Variants in GABBR2 observed in about 807,000 individuals in gnomAD.
The protein encoded by GABBR2 is G-protein coupled receptor 51.
Under a neutral mutation model 105.6 loss-of-function variants are expected in GABBR2, and 23 were observed. The observed-to-expected ratio is 0.22, with a 90% CI of 0.16 to 0.31. The LOEUF (loss-of-function observed/expected upper bound fraction) is 0.31. Ranked by LOEUF, GABBR2 falls within the 10% of genes least tolerant of loss-of-function variation. The pLI is 1.00. For missense variants in GABBR2, 734 were observed against 1,245.5 expected, an observed-to-expected ratio of 0.59 and a Z score of 6.18; for synonymous variants, 478 against 499.7, an observed-to-expected ratio of 0.96 and a Z score of 0.58.
chr9:98,466,765 G>T (rs1826567474), intron 6 of GABBR2, among the ~76,000 whole-genome samples: 2 of 152,180 alleles, frequency 1.3e-5, no homozygotes, highest in African/African-American at 4.8e-5. Context: ...CAGCTGCATT[G>T]TAACAGAAAA....
chr9:98,581,640 A>G (rs1005939949), intron 1 of GABBR2, among the ~76,000 whole-genome samples: 6 of 152,092 alleles, frequency 3.9e-5, no homozygotes, highest in Admixed American at 3.9e-4. Context: ...AGCAGATAAT[A>G]ACAGAGTAGT....
chr9:98,418,571 CA>C (rs1283575177), intron 7 of GABBR2, among the ~76,000 whole-genome samples: 2 of 151,674 alleles, frequency 1.3e-5, no homozygotes. Flanking sequence ...CCCAAAAATC[CA>C]AAAAACAAAA....
intron 13 of GABBR2, among the ~76,000 whole-genome samples, chr9:98,345,774 T>C (rs1019824747): frequency 1.3e-4 from 20 of 152,218 alleles, no homozygotes; most frequent in Non-Finnish European, 2.4e-4. Context: ...ATTAGGCTAA[T>C]ATACAAAAAT....
rs1831288486 is a variant in GABBR2 at position 98,345,525 on chromosome 9, T to G, written c.1893+17190A>C. On this transcript the variant is annotated intron_variant, in intron 13 of 18. Transcript: ENST00000259455. ...ACTTAATGGTGAAAAACTAGATGCTTTTCCTGAAGACTGAGAACAAAGCAA... is the reference window on the plus strand; with the variant it reads ...ACTTAATGGTGAAAAACTAGATGCTGTTCCTGAAGACTGAGAACAAAGCAA... Among the ~76,000 whole-genome samples the G allele has an allele frequency of 2.0e-5, 3 of 152,286 alleles. No homozygotes were observed. The South Asian group carries it at 6.2e-4, about 32-fold the overall frequency.
intron 1 of GABBR2, among the ~76,000 whole-genome samples, chr9:98,643,756 A>G (rs7864144): frequency 0.19 from 29,094 of 152,272 alleles, 3,577 homozygotes; most frequent in African/African-American, 0.35. Context: ...AGTAGGCCCA[A>G]TGAAGCTCAA....
intron 1 of GABBR2, among the ~76,000 whole-genome samples, chr9:98,706,456 C>G (rs1487648704): frequency 6.6e-6 from 1 of 152,222 alleles, no homozygotes; most frequent in Non-Finnish European, 1.5e-5. Context: ...CTTCTGTCTT[C>G]CTTCCCACTG....
At chr9:98,346,973 A>G (rs1339040802) in intron 13 of GABBR2, among the ~76,000 whole-genome samples, 1 of 151,908 alleles carries the variant, frequency 6.6e-6, no homozygotes, top group Non-Finnish European at 1.5e-5. Context: ...TTCTTTATCC[A>G]TTTTTCTGTT....
Position 98,425,471 on chromosome 9 carries a change from A to G in GABBR2, c.1237-19330T>C, listed in dbSNP as rs369150509. On this transcript the variant is annotated intron_variant, in intron 7 of 18. Coordinates refer to ENST00000259455, the MANE Select transcript of GABBR2 (RefSeq NM_005458.8). ...ATTTGTGCACTCATTCTTTCATCAC[A>G]TTTTTGTGATCAGTCTCTTCTGGGC... 2.0e-5 allele frequency among the ~76,000 whole-genome samples: 3 copies of G among 152,176 alleles called. No individual in the cohort carries two copies. In the East Asian group the frequency reaches 5.8e-4, roughly 29 times the overall value.
chr9:98,367,512 T>G (rs1215469947), intron 12 of GABBR2, among the ~76,000 whole-genome samples: 1 of 151,946 alleles, frequency 6.6e-6, no homozygotes, highest in Non-Finnish European at 1.5e-5. Flanking sequence ...GGTATGGAGT[T>G]TCAGTTTGGG....
At chr9:98,365,630 C>T (rs533052339) in intron 12 of GABBR2, among the ~76,000 whole-genome samples, 1 of 152,338 alleles carries the variant, frequency 6.6e-6, no homozygotes, top group South Asian at 2.1e-4. Flanking sequence ...AGTGCCTACC[C>T]TGAGTCAGGT....
intron 1 of GABBR2, among the ~76,000 whole-genome samples, chr9:98,661,608 C>T (rs1311476860): frequency 6.6e-6 from 1 of 152,136 alleles, no homozygotes; most frequent in African/African-American, 2.4e-5. Context: ...ACCATGTTGG[C>T]CAGGCTGGTC....
intron 11 of GABBR2, among the ~76,000 whole-genome samples, chr9:98,381,614 C>T (rs1831976973): frequency 6.6e-6 from 1 of 152,208 alleles, no homozygotes; most frequent in South Asian, 2.1e-4. Flanking sequence ...TGACCCGATT[C>T]AGTCCGGGGT....
chr9:98,433,547 T>G (rs1318274222), intron 7 of GABBR2, among the ~76,000 whole-genome samples: 1 of 152,202 alleles, frequency 6.6e-6, no homozygotes, highest in African/African-American at 2.4e-5. Context: ...TTTCTACATA[T>G]TCAAGATTAA....
At chr9:98,565,731 C>T (rs912177270) in intron 2 of GABBR2, among the ~76,000 whole-genome samples, 6 of 152,144 alleles carry the variant, frequency 3.9e-5, no homozygotes, top group African/African-American at 7.2e-5. Context: ...GACCAGGAAC[C>T]GAGGCTGGAA....
At chr9:98,703,086 A>G (rs1039501088) in intron 1 of GABBR2, among the ~76,000 whole-genome samples, 2 of 152,216 alleles carry the variant, frequency 1.3e-5, no homozygotes, top group Non-Finnish European at 2.9e-5. Context: ...TATAAACTTG[A>G]GACTTTCGCT....
intron 7 of GABBR2, among the ~76,000 whole-genome samples, chr9:98,430,729 G>A (rs1276059864): frequency 6.6e-6 from 1 of 151,962 alleles, no homozygotes; most frequent in African/African-American, 2.4e-5. Context: ...TGCCTCCTTT[G>A]TCTCTGAATT....
chr9:98,404,449 C>T (rs951663112), intron 8 of GABBR2, among the ~76,000 whole-genome samples: 6 of 152,172 alleles, frequency 3.9e-5, no homozygotes, highest in Non-Finnish European at 8.8e-5. Flanking sequence ...TGGGATTTGT[C>T]TGAATGAATC....
chr9:98,604,642 C>G (rs767386168), intron 1 of GABBR2, among the ~76,000 whole-genome samples: 10 of 152,174 alleles, frequency 6.6e-5, no homozygotes, highest in Non-Finnish European at 1.3e-4. Context: ...GCTGGATGCT[C>G]ATACTAATAG....
chr9:98,432,600 T>C (rs1402346555), intron 7 of GABBR2, among the ~76,000 whole-genome samples: 1 of 152,208 alleles, frequency 6.6e-6, no homozygotes, highest in Non-Finnish European at 1.5e-5. Flanking sequence ...TCCTCTTCTA[T>C]AAGATGGTCC....
Sources: gnomAD v4.1 joint callset for allele counts (sites outside exome capture counted in the v4.1 genomes callset) on GRCh38, gnomAD v4.1.1 for gene constraint, MANE v1.5 for transcripts, NCBI Gene and HGNC (gene_info 2026-07-23, HGNC 2026-07-21) for gene names.